The following CTNNA2 variants were observed in gnomAD, a reference collection of about 807,000 sequenced individuals.
CTNNA2 encodes catenin alpha 2.
Under a neutral mutation model 101.0 loss-of-function variants are expected in CTNNA2, and 42 were observed. That is an observed-to-expected ratio of 0.42 (90% confidence interval 0.32 to 0.54). The LOEUF is 0.54. CTNNA2 is among the 20% of genes least tolerant of loss of function. CTNNA2 has a pLI of 0.14. For synonymous variants in CTNNA2, 450 were observed against 456.4 expected (o/e 0.99, Z 0.18); for missense variants, 871 against 1,223.1 (o/e 0.71, Z 4.29).
chr2:79,481,083 A>C (rs977727412), intron 4 of CTNNA2, among the ~76,000 whole-genome samples: 3 of 152,116 alleles, frequency 2.0e-5, no homozygotes, highest in Admixed American at 2.0e-4. Flanking sequence ...AAATCACACT[A>C]ATTTTTCATA....
chr2:80,003,112 C>T (rs1436207829), intron 7 of CTNNA2, among the ~76,000 whole-genome samples: 1 of 152,172 alleles, frequency 6.6e-6, no homozygotes, highest in African/African-American at 2.4e-5. Flanking sequence ...GCAGCAGCAG[C>T]CTGTGAGATG....
intron 9 of CTNNA2, among the ~76,000 whole-genome samples, chr2:80,426,785 T>C: frequency 6.6e-6 from 1 of 151,870 alleles, no homozygotes; most frequent in East Asian, 2.0e-4. Flanking sequence ...TGCCATCTTT[T>C]GCTTGTTAAA....
intron 7 of CTNNA2, among the ~76,000 whole-genome samples, chr2:79,948,901 G>A (rs1165312677): frequency 6.6e-6 from 1 of 152,164 alleles, no homozygotes; most frequent in African/African-American, 2.4e-5. Flanking sequence ...CCGGGAGGCG[G>A]AGCTTGCAGT....
intron 7 of CTNNA2, among the ~76,000 whole-genome samples, chr2:80,372,080 A>G (rs1384478485): frequency 6.6e-6 from 1 of 152,178 alleles, no homozygotes; most frequent in Non-Finnish European, 1.5e-5. Flanking sequence ...CAAGGACAAT[A>G]TAAGAAATTT....
At chr2:80,562,754 C>G (rs1558590305) in intron 12 of CTNNA2, among the ~76,000 whole-genome samples, 1 of 151,956 alleles carries the variant, frequency 6.6e-6, no homozygotes, top group Non-Finnish European at 1.5e-5. Flanking sequence ...AGCTATAAAA[C>G]AGAATGGGGA....
At chr2:79,221,418 G>T (rs1674343878) in intron 2 of CTNNA2, among the ~76,000 whole-genome samples, 1 of 152,018 alleles carries the variant, frequency 6.6e-6, no homozygotes, top group Admixed American at 6.6e-5. Flanking sequence ...CAAAGTCCTG[G>T]GATTACAGGC....
intron 7 of CTNNA2, chr2:80,162,868 A>G: frequency 1.3e-6 from 2 of 1,595,590 alleles, no homozygotes; most frequent in Non-Finnish European, 1.7e-6. Flanking sequence ...ATCTGTGCTG[A>G]TGAAGTCATG....
intron 1 of CTNNA2, among the ~76,000 whole-genome samples, chr2:79,541,666 T>G (rs1673430739): frequency 6.6e-6 from 1 of 151,532 alleles, no homozygotes; most frequent in Middle Eastern, 3.2e-3. Flanking sequence ...CTCTCTCTGT[T>G]GCCAGGCTGG....
intron 2 of CTNNA2, among the ~76,000 whole-genome samples, chr2:79,682,823 G>T (rs550815323): frequency 3.3e-5 from 5 of 152,142 alleles, no homozygotes; most frequent in Admixed American, 2.0e-4. Flanking sequence ...TGTCATAAAT[G>T]CCTGTGGATT....
Position 79,849,020 on chromosome 2 carries a change from T to G in CTNNA2, c.299-8993T>G, listed in dbSNP as rs139897515. The stretch of plus-strand genomic sequence containing the variant: ...CGGCACTTGGGCTTCTGTGTCTTCA[T>G]GTGTGAGATGAGAAAGGGGTGCTGA... On this transcript the variant is annotated intron_variant, in intron 3 of 18. Transcript: ENST00000402739. 1.5e-3 allele frequency among the ~76,000 whole-genome samples: 225 copies of G among 152,278 alleles called. 12 individuals are homozygous for G. In the East Asian group the frequency reaches 0.031, roughly 21 times the overall value.
At chr2:80,105,159 T>C (rs1222612697) in intron 7 of CTNNA2, among the ~76,000 whole-genome samples, 2 of 152,184 alleles carry the variant, frequency 1.3e-5, no homozygotes, top group African/African-American at 2.4e-5. Flanking sequence ...TGGAATTCTT[T>C]TCAGTAAAAT....
intron 9 of CTNNA2, among the ~76,000 whole-genome samples, chr2:80,438,180 G>C (rs533572205): frequency 6.6e-6 from 1 of 152,134 alleles, no homozygotes; most frequent in Non-Finnish European, 1.5e-5. Flanking sequence ...CCCTCGCATG[G>C]TCTTTCCTCT....
At chr2:79,657,972 A>G (rs759425251) in intron 2 of CTNNA2, among the ~76,000 whole-genome samples, 13 of 151,932 alleles carry the variant, frequency 8.6e-5, no homozygotes, top group Non-Finnish European at 1.8e-4. Flanking sequence ...TATAATTTTT[A>G]TATCATTACA....
At chr2:80,264,988 T>C (rs1672896041) in intron 7 of CTNNA2, among the ~76,000 whole-genome samples, 1 of 151,702 alleles carries the variant, frequency 6.6e-6, no homozygotes, top group Admixed American at 6.6e-5. Flanking sequence ...TTTTTTTTTT[T>C]TTTTGAGGTG....
intron 3 of CTNNA2, among the ~76,000 whole-genome samples, chr2:79,839,351 TG>T (rs965641434): frequency 5.9e-5 from 9 of 152,062 alleles, no homozygotes; most frequent in Admixed American, 1.3e-4. Context: ...ACCTTGTCTT[TG>T]GCCTTTGAAT....
intron 2 of CTNNA2, among the ~76,000 whole-genome samples, chr2:79,674,000 T>G (rs757264857): frequency 5.3e-5 from 8 of 152,212 alleles, no homozygotes; most frequent in Admixed American, 1.3e-4. Flanking sequence ...GCACTGGTTC[T>G]TAAACTTTAA....
intron 7 of CTNNA2, among the ~76,000 whole-genome samples, chr2:80,096,781 G>C (rs1005805544): frequency 2.0e-5 from 3 of 152,054 alleles, no homozygotes; most frequent in Admixed American, 6.6e-5. Flanking sequence ...TGTCTCTTTT[G>C]ATGTTTGTTG....
At chr2:80,320,567 T>A (rs1477553050) in intron 7 of CTNNA2, among the ~76,000 whole-genome samples, 3 of 152,188 alleles carry the variant, frequency 2.0e-5, no homozygotes, top group Non-Finnish European at 4.4e-5. Flanking sequence ...CTTACTTTCA[T>A]TTCTTGTTAA....
chr2:80,501,764 A>G (rs1252459915), intron 9 of CTNNA2, among the ~76,000 whole-genome samples: 4 of 152,160 alleles, frequency 2.6e-5, no homozygotes, highest in Admixed American at 2.0e-4. Flanking sequence ...ACTCAGATCT[A>G]TCCCAAAAGG....
Sources: allele counts gnomAD v4.1 joint callset (sites outside exome capture counted in the v4.1 genomes callset), GRCh38; gene constraint gnomAD v4.1.1; transcripts MANE v1.5; gene names NCBI Gene and HGNC (gene_info 2026-07-23, HGNC 2026-07-21).